Variants in TANC1 observed in about 807,000 individuals in gnomAD.
TANC1 encodes the protein tetratricopeptide repeat, ankyrin repeat and coiled-coil containing 1.
In TANC1, 77 loss-of-function variants were observed where a neutral mutation model predicts 149.7. The ratio of observed to expected loss-of-function variants is 0.51; its 90% confidence interval spans 0.43 to 0.62. The LOEUF is 0.62. TANC1 is among the 20% of genes least tolerant of loss of function. The pLI is 0.00. For missense variants in TANC1, 1,985 were observed against 2,321.8 expected (o/e 0.85, Z 2.98); for synonymous variants, 854 against 925.0 (o/e 0.92, Z 1.39).
At chr2:159,060,945 A>C (rs1202926706) in intron 2 of TANC1, among the ~76,000 whole-genome samples, 1 of 152,244 alleles carries the variant, frequency 6.6e-6, no homozygotes, top group Non-Finnish European at 1.5e-5. Context: ...GCAGAATTCA[A>C]ATACATAATG....
chr2:158,980,733 C>G (rs1227195752), intron 1 of TANC1, among the ~76,000 whole-genome samples: 1 of 151,132 alleles, frequency 6.6e-6, no homozygotes, highest in East Asian at 1.9e-4. Context: ...CGAGATCATG[C>G]CACTGCACTC....
chr2:159,191,791 T>TA (rs1484038668), intron 16 of TANC1, among the ~76,000 whole-genome samples: 1 of 152,238 alleles, frequency 6.6e-6, no homozygotes, highest in South Asian at 2.1e-4. Flanking sequence ...ATGAAGTTTT[T>TA]ATGCCTTGTC....
intron 2 of TANC1, among the ~76,000 whole-genome samples, chr2:159,047,904 A>G (rs553626454): frequency 9.8e-5 from 15 of 152,366 alleles, no homozygotes; most frequent in African/African-American, 2.9e-4. Context: ...CTGGGCCTAT[A>G]TAAACAAGTG....
At chr2:159,105,307 TTA>T (rs2047070472) in intron 4 of TANC1, among the ~76,000 whole-genome samples, 2 of 147,540 alleles carry the variant, frequency 1.4e-5, no homozygotes, top group Non-Finnish European at 3.1e-5. Context: ...TACTTACTTT[TTA>T]AAAAAATTAG....
At chr2:159,094,409 C>T (rs917566474) in intron 3 of TANC1, among the ~76,000 whole-genome samples, 5 of 152,142 alleles carry the variant, frequency 3.3e-5, no homozygotes, top group East Asian at 1.9e-4. Context: ...AATTAGGTGA[C>T]GTGATGTGGT....
chr2:159,196,668 G>C lies in TANC1; in HGVS notation c.3040G>C (p.Gly1014Arg). The C allele has an allele frequency of 6.2e-7, 1 of 1,614,040 alleles. No individual in the cohort carries two copies. Among genetic ancestry groups the C allele is most frequent in the Non-Finnish European group, 8.5e-7 (1 of 1,179,946 alleles). ...ALVHSALRGH[G>R]DILQYLLTCE... ...TGTCCACAGTGCCCTACGGGGCCAC[G>C]GTGACATTCTCCAGTACCTGCTGAC... Residue 1014 changes from glycine to arginine, a missense_variant, in exon 18 of 27, where the codon GGT (glycine) becomes CGT (arginine). This residue lies in a region of TANC1 where 508 missense variants were observed against 714.2 expected (regional missense o/e 0.71). Coordinates refer to ENST00000263635, the MANE Select transcript of TANC1 (RefSeq NM_033394.3).
At chr2:159,033,354 A>C (rs369160675) in intron 2 of TANC1, among the ~76,000 whole-genome samples, 3 of 152,136 alleles carry the variant, frequency 2.0e-5, no homozygotes, top group Non-Finnish European at 4.4e-5. Context: ...CAACTGAGGA[A>C]CTCATTTCAA....
intron 3 of TANC1, among the ~76,000 whole-genome samples, chr2:159,073,064 A>G (rs941871537): frequency 1.3e-5 from 2 of 152,238 alleles, no homozygotes; most frequent in African/African-American, 4.8e-5. Flanking sequence ...TTATGAAGTT[A>G]AACTGAAAGG....
chr2:159,001,531 A>G lies in TANC1; in HGVS notation c.-16+342A>G, dbSNP rs1269685416. Among the ~76,000 whole-genome samples, 1 of 152,262 alleles carries G rather than the reference A, an allele frequency of 6.6e-6. No individual in the cohort carries two copies. The highest frequency in any genetic ancestry group is 1.5e-5 in the Non-Finnish European group (1 of 68,050). On this transcript the variant is annotated intron_variant, in intron 2 of 26. Coordinates refer to ENST00000263635, the MANE Select transcript of TANC1 (RefSeq NM_033394.3). The surrounding 1 kb of genome is among the most constrained non-coding windows in gnomAD (Gnocchi z 4.3). ...CGGTAAATTTTATGTCTATTTTATCACAATGAAAAATAAAAACGTGGTGGA... is the reference window on the plus strand; with the variant it reads ...CGGTAAATTTTATGTCTATTTTATCGCAATGAAAAATAAAAACGTGGTGGA...
At chr2:159,125,279 C>T (rs1441943857) in intron 4 of TANC1, among the ~76,000 whole-genome samples, 1 of 152,290 alleles carries the variant, frequency 6.6e-6, no homozygotes, top group East Asian at 1.9e-4. Context: ...CAGCAGCTTG[C>T]ATTTGGTGTT....
intron 5 of TANC1, among the ~76,000 whole-genome samples, chr2:159,137,427 G>A (rs2050877945): frequency 6.6e-6 from 1 of 152,186 alleles, no homozygotes; most frequent in Non-Finnish European, 1.5e-5. Context: ...GCAGGCAAGA[G>A]GTGCTATTGC....
At chr2:159,162,664 G>C (rs2054159972) in intron 7 of TANC1, among the ~76,000 whole-genome samples, 1 of 152,140 alleles carries the variant, frequency 6.6e-6, no homozygotes, top group Non-Finnish European at 1.5e-5. Context: ...TTCTCCTGCT[G>C]GTACTTCACC....
chr2:158,972,008 G>T (rs976471605), intron 1 of TANC1, among the ~76,000 whole-genome samples: 1 of 152,132 alleles, frequency 6.6e-6, no homozygotes, highest in Admixed American at 6.6e-5. Flanking sequence ...GAGTTATTTT[G>T]ATTTCAGAAC....
chr2:159,186,702 C>T lies in TANC1; in HGVS notation c.2620-200C>T, dbSNP rs2056993504. The T allele has an allele frequency of 8.5e-6, 5 of 585,080 alleles. No individual in the cohort carries two copies. In the Admixed American group the frequency reaches 1.2e-4, roughly 14 times the overall value. The allele number at this position is 585,080 out of a possible 1,614,324, so 36.2% of individuals were successfully genotyped here. A position where few individuals can be genotyped will look rare whatever the true frequency, so the allele number is the denominator to read the frequency against. On this transcript the variant is annotated intron_variant, in intron 15 of 26. Transcript: ENST00000263635. Reference sequence around the variant, plus strand: ...AGGCACAAAGTTAACCTAGTGAAGGCAGGCTGGTTCCTTGACCCTTGGTTT... The same window carrying T: ...AGGCACAAAGTTAACCTAGTGAAGGTAGGCTGGTTCCTTGACCCTTGGTTT...
chr2:158,996,203 A>G (rs2036118516), intron 1 of TANC1, among the ~76,000 whole-genome samples: 1 of 152,086 alleles, frequency 6.6e-6, no homozygotes, highest in Non-Finnish European at 1.5e-5. Context: ...AAATACTAAA[A>G]TTATTTGATA....
At chr2:159,218,866 C>T (rs892398667) in intron 20 of TANC1, among the ~76,000 whole-genome samples, 3 of 152,112 alleles carry the variant, frequency 2.0e-5, no homozygotes, top group Non-Finnish European at 4.4e-5. Context: ...TTTCAGTGCC[C>T]GTGGGGGACC....
intron 5 of TANC1, among the ~76,000 whole-genome samples, chr2:159,138,506 T>C (rs916454147): frequency 1.3e-5 from 2 of 152,200 alleles, no homozygotes; most frequent in African/African-American, 4.8e-5. Context: ...GTAAATTTTA[T>C]CCAGATCACT....
intron 2 of TANC1, among the ~76,000 whole-genome samples, chr2:159,040,075 T>C (rs1411052175): frequency 6.6e-6 from 1 of 152,270 alleles, no homozygotes; most frequent in Non-Finnish European, 1.5e-5. Flanking sequence ...TTAGCTCTTC[T>C]TGTTGTATTG....
At chr2:159,144,361 T>C (rs1042019101) in intron 5 of TANC1, among the ~76,000 whole-genome samples, 3 of 152,280 alleles carry the variant, frequency 2.0e-5, no homozygotes, top group Middle Eastern at 3.4e-3. Flanking sequence ...AGCAGGTCCA[T>C]GGATGGATGT....
Sources: gnomAD v4.1 joint callset for allele counts (sites outside exome capture counted in the v4.1 genomes callset) on GRCh38, gnomAD v4.1.1 for gene constraint, gnomAD v4.1.1 regional missense constraint, Gnocchi (gnomAD v3.1) non-coding constraint, MANE v1.5 for transcripts, NCBI Gene and HGNC (gene_info 2026-07-23, HGNC 2026-07-21) for gene names.